Variants in KIAA1217 observed in about 807,000 individuals in gnomAD.
The protein encoded by KIAA1217 is KIAA1217.
KIAA1217 carries 88 observed loss-of-function variants against 163.9 expected under a neutral mutation model. That is an observed-to-expected ratio of 0.54 (90% CI 0.45 to 0.64). The LOEUF is 0.64. Among genes scored for constraint, KIAA1217 ranks in the 30% least tolerant of loss-of-function variants. The pLI is 0.00. For synonymous variants in KIAA1217, 903 were observed against 923.1 expected (o/e 0.98, Z 0.39); for missense variants, 2,372 against 2,475.0 (o/e 0.96, Z 0.88).
chr10:23,948,198 A>G (rs1844149953), intron 1 of KIAA1217, among the ~76,000 whole-genome samples: 2 of 152,212 alleles, frequency 1.3e-5, no homozygotes, highest in Non-Finnish European at 2.9e-5. Flanking sequence ...CTGTGTGACC[A>G]TAGGCAGAAT....
intron 1 of KIAA1217, among the ~76,000 whole-genome samples, chr10:23,816,042 G>A (rs1451096368): frequency 6.6e-6 from 1 of 152,092 alleles, no homozygotes; most frequent in Non-Finnish European, 1.5e-5. Flanking sequence ...GGAACTCCCT[G>A]TCTTTCCTGT....
At chr10:23,949,854 T>C (rs916418881) in intron 1 of KIAA1217, among the ~76,000 whole-genome samples, 2 of 152,142 alleles carry the variant, frequency 1.3e-5, no homozygotes, top group African/African-American at 2.4e-5. Context: ...ATGAAGTGAA[T>C]ACGGTGAACT....
At chr10:24,468,705 T>C (rs1564735985) in intron 5 of KIAA1217, among the ~76,000 whole-genome samples, 1 of 152,218 alleles carries the variant, frequency 6.6e-6, no homozygotes, top group Non-Finnish European at 1.5e-5. Context: ...GCCGTCCTCA[T>C]TGGCTGAGGT....
intron 2 of KIAA1217, among the ~76,000 whole-genome samples, chr10:24,339,858 T>C (rs1170991662): frequency 1.3e-5 from 2 of 152,240 alleles, no homozygotes; most frequent in Admixed American, 1.3e-4. Flanking sequence ...AAGCCAATGT[T>C]AGTCTGTCTC....
chr10:23,934,575 ATAT>A (rs1843410694), intron 1 of KIAA1217, among the ~76,000 whole-genome samples: 1 of 65,966 alleles, frequency 1.5e-5, no homozygotes. Flanking sequence ...ATATATATAT[ATAT>A]ATATATATAT....
intron 1 of KIAA1217, among the ~76,000 whole-genome samples, chr10:23,718,854 G>T (rs1402456592): frequency 6.9e-6 from 1 of 144,522 alleles, no homozygotes; most frequent in African/African-American, 2.9e-5. Flanking sequence ...GGGAGGGGGA[G>T]AGAGAGAGAG....
At chr10:24,390,879 G>A (rs568362961) in intron 3 of KIAA1217, among the ~76,000 whole-genome samples, 7 of 152,230 alleles carry the variant, frequency 4.6e-5, no homozygotes, top group East Asian at 1.9e-4. Context: ...AAAAGGCAGC[G>A]TTGTCCAGGT....
chr10:24,154,810 G>C (rs1374585722), intron 2 of KIAA1217, among the ~76,000 whole-genome samples: 1 of 151,660 alleles, frequency 6.6e-6, no homozygotes, highest in African/African-American at 2.4e-5. Flanking sequence ...TGTCTAATCA[G>C]AATAGAGAAT....
intron 9 of KIAA1217, among the ~76,000 whole-genome samples, chr10:24,508,937 G>A (rs1444949260): frequency 1.3e-5 from 2 of 152,148 alleles, no homozygotes; most frequent in Non-Finnish European, 2.9e-5. Context: ...GAATTTTTTA[G>A]GATGATAAAA....
intron 2 of KIAA1217, among the ~76,000 whole-genome samples, chr10:24,299,734 A>G (rs2041081779): frequency 6.6e-6 from 1 of 152,132 alleles, no homozygotes; most frequent in African/African-American, 2.4e-5. Flanking sequence ...TTTTACGCTT[A>G]TGAGTAAACT....
chr10:24,157,826 C>G, intron 2 of KIAA1217: 1 of 488,234 alleles, frequency 2.0e-6, no homozygotes, highest in Non-Finnish European at 3.8e-6. Flanking sequence ...AATAGAAGTT[C>G]CTGATGCAAT....
intron 2 of KIAA1217, among the ~76,000 whole-genome samples, chr10:24,365,316 C>T (rs2050624873): frequency 6.6e-6 from 1 of 152,144 alleles, no homozygotes; most frequent in South Asian, 2.1e-4. Context: ...TCCTGGTCCT[C>T]TCTGAAGGGC....
At chr10:24,428,956 CAT>C (rs540659045) in intron 3 of KIAA1217, among the ~76,000 whole-genome samples, 62 of 150,840 alleles carry the variant, frequency 4.1e-4, no homozygotes, top group Admixed American at 1.3e-3. Context: ...TGAATTATAA[CAT>C]AGAGTAGAAA....
At chr10:23,895,951 A>G (rs1277897579) in intron 1 of KIAA1217, among the ~76,000 whole-genome samples, 2 of 135,796 alleles carry the variant, frequency 1.5e-5, no homozygotes. Flanking sequence ...ATGAGAACAC[A>G]TGGACACAGG....
chr10:24,278,146 G>C (rs561490007), intron 2 of KIAA1217, among the ~76,000 whole-genome samples: 8 of 152,310 alleles, frequency 5.3e-5, no homozygotes, highest in African/African-American at 1.9e-4. Context: ...CTTTGGAGCA[G>C]GCCAAAACAC....
At position 24,524,358 on chromosome 10, in the gene KIAA1217, C is replaced by T. The variant is rs762282755; in HGVS notation, c.2492C>T (p.Ala831Val). The T allele has an allele frequency of 2.5e-6, 4 of 1,612,800 alleles. No individual in the cohort carries two copies. The highest frequency in any genetic ancestry group is 3.4e-6 in the Non-Finnish European group (4 of 1,178,894). ...GATGGGCTCCTGAAAGGCACGGACG[C>T]AGCCCAAGCCGCACAGTACATGGCT... ...VTDGLLKGTD[A>V]AQAAQYMAME... is the part of the protein sequence containing the mutation. The change falls in exon 13 of 21, where the codon GCA becomes GTA. Residue 831 changes from alanine (A) to valine (V), a missense_variant. Around this residue, in one of 3 missense-constraint regions of KIAA1217, gnomAD observed 1,431 missense variants for 1,470.3 expected, o/e 0.97. Transcript: ENST00000376454.
intron 2 of KIAA1217, among the ~76,000 whole-genome samples, chr10:24,071,527 A>C (rs1336912710): frequency 6.6e-6 from 1 of 152,196 alleles, no homozygotes; most frequent in Non-Finnish European, 1.5e-5. Flanking sequence ...TTACAACTTA[A>C]TATCTGATTA....
intron 1 of KIAA1217, among the ~76,000 whole-genome samples, chr10:23,770,046 T>C (rs1439113321): frequency 6.6e-6 from 1 of 152,198 alleles, no homozygotes; most frequent in Non-Finnish European, 1.5e-5. Context: ...CAACCAATGT[T>C]TCACTTTCTA....
At chr10:23,845,987 G>A (rs1164071250) in intron 1 of KIAA1217, among the ~76,000 whole-genome samples, 1 of 152,128 alleles carries the variant, frequency 6.6e-6, no homozygotes, top group Non-Finnish European at 1.5e-5. Context: ...ATTGAATAGG[G>A]AATCCTTTCC....
Sources: allele counts gnomAD v4.1 joint callset (sites outside exome capture counted in the v4.1 genomes callset), GRCh38; gene constraint gnomAD v4.1.1; regional missense constraint gnomAD v4.1.1; transcripts MANE v1.5; gene names NCBI Gene and HGNC (gene_info 2026-07-23, HGNC 2026-07-21).